ACAD10: variants seen among roughly 807,000 people sequenced by gnomAD.
ACAD10 encodes ACAD-10.
Under a neutral mutation model 116.8 loss-of-function variants are expected in ACAD10, and 112 were observed. That is an observed-to-expected ratio of 0.96 (90% CI 0.82 to 1.12). The LOEUF is 1.12. Ranked by LOEUF, ACAD10 falls within the 50% of genes most tolerant of loss-of-function variation. The pLI is 0.00. For synonymous variants in ACAD10, 486 were observed against 510.6 expected (o/e 0.95, Z 0.65); for missense variants, 1,259 against 1,350.2 (o/e 0.93, Z 1.06).
intron 18 of ACAD10, chr12:111,749,547 C>G (rs1890012475): frequency 1.4e-6 from 1 of 690,986 alleles, no homozygotes. Flanking sequence ...GGACCCCACT[C>G]TGTCGAGGTG....
chr12:111,738,164 A>G (rs1889629263), intron 12 of ACAD10, among the ~76,000 whole-genome samples: 1 of 152,024 alleles, frequency 6.6e-6, no homozygotes, highest in African/African-American at 2.4e-5. Context: ...GCCAGTCCCC[A>G]AGTCTTTAGG....
intron 8 of ACAD10, among the ~76,000 whole-genome samples, chr12:111,723,381 ACCTC>A (rs1889095196): frequency 1.3e-5 from 1 of 76,264 alleles, no homozygotes; most frequent in Non-Finnish European, 2.6e-5. Context: ...TGACCCCCCC[ACCTC>A]CCTCCCGGAC....
intron 1 of ACAD10, among the ~76,000 whole-genome samples, chr12:111,688,539 C>T (rs762356663): frequency 3.3e-5 from 5 of 152,136 alleles, no homozygotes; most frequent in African/African-American, 7.2e-5. Flanking sequence ...TGGTGGCTCA[C>T]GCCTGCAATC....
intron 12 of ACAD10, among the ~76,000 whole-genome samples, chr12:111,737,758 T>A (rs929937238): frequency 7.9e-5 from 12 of 152,192 alleles, no homozygotes; most frequent in Non-Finnish European, 1.6e-4. Context: ...ACTTTGATTT[T>A]AAAATTTTGT....
chr12:111,754,055 T>C, intron 19 of ACAD10, 140 bp downstream of exon 19: 5 of 1,253,832 alleles, frequency 4.0e-6, no homozygotes, highest in Non-Finnish European at 5.4e-6. Context: ...TTTTCAAAAA[T>C]TGGAAAGGCA....
chr12:111,721,906 C>A (rs568432514), intron 8 of ACAD10, 167 bp downstream of exon 8: 1 of 475,588 alleles, frequency 2.1e-6, no homozygotes, highest in Non-Finnish European at 3.7e-6. Flanking sequence ...AGTTATCCTG[C>A]AAGATAAGTA....
chr12:111,709,864 G>A, intron 5 of ACAD10, 180 bp downstream of exon 5: 3 of 711,040 alleles, frequency 4.2e-6, no homozygotes, highest in Non-Finnish European at 6.6e-6. Flanking sequence ...ATTTTCAATG[G>A]GAAGCAAGAC....
At position 111,692,883 on chromosome 12, in the gene ACAD10, G is replaced by A. The variant is rs1414507877; in HGVS notation, c.174G>A (p.Gly58=). 1 of 1,613,964 alleles carries A rather than the reference G, an allele frequency of 6.2e-7. No homozygotes were observed. The highest frequency in any genetic ancestry group is 1.3e-5 in the African/African-American group (1 of 74,912). The change falls in exon 2 of 21, where the codon GGG becomes GGA. Residue 58 remains glycine (G), a synonymous_variant. Transcript: ENST00000313698. ...DMGGVLIPSP[G]RVAAEWEVQN... is the part of the protein sequence containing the mutation. ...GCGGAGTTCTCATTCCTTCTCCAGGGAGAGTCGCTGCAGGTGAGCTATTGA... is the reference window on the plus strand; with the variant it reads ...GCGGAGTTCTCATTCCTTCTCCAGGAAGAGTCGCTGCAGGTGAGCTATTGA...
At chr12:111,713,494 G>A (rs568684770) in intron 6 of ACAD10, among the ~76,000 whole-genome samples, 12 of 151,888 alleles carry the variant, frequency 7.9e-5, no homozygotes, top group African/African-American at 2.9e-4. Context: ...GTGTGGTGGT[G>A]CACAACTATA....
intron 6 of ACAD10, chr12:111,715,458 C>T (rs1888812763): frequency 4.0e-6 from 1 of 251,386 alleles, no homozygotes; most frequent in Non-Finnish European, 7.9e-6. Flanking sequence ...TTCCATTTGG[C>T]AAGATGGGTT....
At chr12:111,700,525 C>T (rs900168466) in intron 2 of ACAD10, among the ~76,000 whole-genome samples, 7 of 152,016 alleles carry the variant, frequency 4.6e-5, no homozygotes, top group Non-Finnish European at 5.9e-5. Context: ...TTTACGCTCC[C>T]GTCAACAGCA....
At chr12:111,754,880 G>T (rs1414784631) in intron 19 of ACAD10, among the ~76,000 whole-genome samples, 2 of 152,210 alleles carry the variant, frequency 1.3e-5, no homozygotes, top group African/African-American at 4.8e-5. Context: ...GCCACATTCT[G>T]CCAGCACTTG....
intron 3 of ACAD10, 126 bp from the exon 4 acceptor site, chr12:111,705,612 A>G (rs938985750): frequency 4.8e-6 from 4 of 832,398 alleles, no homozygotes; most frequent in Non-Finnish European, 5.7e-6. Flanking sequence ...GCAGCAAGCT[A>G]TGAGCCTGGG....
In ACAD10 at chr12:111,753,786, G is replaced by T; in HGVS notation, c.2832G>T (p.Leu944Phe). ...ALMKARVKSR[L>F]AFGKPLVEQG... ...TGTGTCGACAGGTGAAGTCCCGCTT[G>T]GCTTTTGGGAAGCCCCTGGTGGAGC... The change falls in exon 19 of 21, where the codon TTG becomes TTT. Residue 944 changes from leucine to phenylalanine, a missense_variant. By Grantham distance (22) the Leu-to-Phe change is conservative. Coordinates refer to ENST00000313698, the MANE Select transcript of ACAD10 (RefSeq NM_025247.6). 3 of 1,613,994 alleles carry T rather than the reference G, an allele frequency of 1.9e-6. No individual in the cohort carries two copies. The South Asian group carries it at 3.3e-5, about 18-fold the overall frequency.
Position 111,756,990 on chromosome 12 carries a change from T to G in ACAD10, c.*517T>G, listed in dbSNP as rs1157645562. On this transcript the variant is annotated 3_prime_UTR_variant, in exon 21 of 21. Coordinates refer to ENST00000313698, the MANE Select transcript of ACAD10 (RefSeq NM_025247.6). ...AATGCAACCCACATTGTAAAGCCAC[T>G]GGCATCTGATTATCTCCATTTGAAC... 9 of 423,702 alleles carry G rather than the reference T, an allele frequency of 2.1e-5. No homozygotes were observed. Among genetic ancestry groups the G allele is most frequent in the Non-Finnish European group, 4.3e-5 (9 of 210,278 alleles). The allele number at this position is 423,702 out of a possible 1,614,324, so 26.2% of individuals were successfully genotyped here. A position where few individuals can be genotyped will look rare whatever the true frequency, so the allele number is the denominator to read the frequency against.
At chr12:111,700,723 TTTCCTTCC>T (rs1174883043) in intron 2 of ACAD10, among the ~76,000 whole-genome samples, 19 of 150,486 alleles carry the variant, frequency 1.3e-4, no homozygotes, top group Admixed American at 1.3e-4. Context: ...GTCCTTTTAC[TTTCCTTCC>T]TTCCTTCCTT....
intron 18 of ACAD10, chr12:111,753,379 C>T (rs1356112567): frequency 9.7e-6 from 4 of 412,986 alleles, no homozygotes; most frequent in East Asian, 6.7e-5. Flanking sequence ...TCGCCTGCGC[C>T]GTGTGCAGTG....
chr12:111,749,592 A>AG (rs35309453), intron 18 of ACAD10: 137,328 of 542,944 alleles, frequency 0.25, 26,443 homozygotes, highest in East Asian at 0.87. Flanking sequence ...GTAGCAGCAG[A>AG]GGCAAGGTTC....
chr12:111,689,196 T>A (rs1193809102), intron 1 of ACAD10, among the ~76,000 whole-genome samples: 4 of 151,648 alleles, frequency 2.6e-5, no homozygotes. Context: ...TATCAAAAAA[T>A]ATATATATTT....
Sources: allele counts gnomAD v4.1 joint callset (sites outside exome capture counted in the v4.1 genomes callset), GRCh38; gene constraint gnomAD v4.1.1; transcripts MANE v1.5; gene names NCBI Gene and HGNC (gene_info 2026-07-23, HGNC 2026-07-21).